PLPPR5: variants seen among roughly 807,000 people sequenced by gnomAD.
PLPPR5 encodes phospholipid phosphatase-related protein type 5.
In PLPPR5, 16 loss-of-function variants were observed where a neutral mutation model predicts 33.9. The ratio of observed to expected loss-of-function variants is 0.47; its 90% confidence interval spans 0.32 to 0.72. The LOEUF (loss-of-function observed/expected upper bound fraction) is 0.72. PLPPR5 is among the 30% of genes least tolerant of loss of function. The pLI, the probability that PLPPR5 is intolerant of heterozygous loss-of-function variation, is 0.03. For missense variants in PLPPR5, 301 were observed against 406.7 expected (o/e 0.74, Z 2.23); for synonymous variants, 163 against 150.3 (o/e 1.08, Z -0.62).
intron 1 of PLPPR5, among the ~76,000 whole-genome samples, chr1:98,961,068 T>C (rs1651228187): frequency 6.6e-6 from 1 of 152,150 alleles, no homozygotes. Flanking sequence ...GTCTGAAGTG[T>C]TTCCCACCCA....
At chr1:98,938,375 A>C (rs1650248523) in intron 3 of PLPPR5, among the ~76,000 whole-genome samples, 2 of 149,946 alleles carry the variant, frequency 1.3e-5, no homozygotes, top group African/African-American at 4.9e-5. Context: ...GCAGTGAGGA[A>C]TGTACAAATA....
chr1:98,988,411 T>C (rs72732417), intron 1 of PLPPR5, among the ~76,000 whole-genome samples: 13,804 of 152,082 alleles, frequency 0.091, 711 homozygotes, highest in Non-Finnish European at 0.11. Flanking sequence ...AGAAAAAATA[T>C]ACTATACCTG....
intron 3 of PLPPR5, among the ~76,000 whole-genome samples, chr1:98,940,603 C>T (rs951808672): frequency 4.0e-5 from 6 of 151,720 alleles, no homozygotes; most frequent in African/African-American, 1.5e-4. Flanking sequence ...AAGGGATAAG[C>T]GCTTATAACT....
intron 3 of PLPPR5, among the ~76,000 whole-genome samples, chr1:98,945,762 G>A (rs1244108142): frequency 6.6e-6 from 1 of 152,202 alleles, no homozygotes; most frequent in Non-Finnish European, 1.5e-5. Context: ...TGGGACATAG[G>A]TTTGAAATAA....
rs74475496 is a variant in PLPPR5 at position 98,896,055 on chromosome 1, A to G, written c.934-2951T>C. Among the ~76,000 whole-genome samples the G allele has an allele frequency of 1.8e-4, 28 of 151,922 alleles. No homozygotes were observed. In the East Asian group the frequency reaches 5.4e-3, roughly 30 times the overall value. ...TTTAAGTTTAATTCACTTCTGGCAC[A>G]GGGGTGATTTTCCCTGAAGCAATCT... On this transcript the variant is annotated intron_variant, in intron 5 of 5. Transcript: ENST00000263177.
chr1:98,968,418 C>T (rs6577267), intron 1 of PLPPR5, among the ~76,000 whole-genome samples: 28,266 of 151,642 alleles, frequency 0.19, 2,684 homozygotes, highest in East Asian at 0.26. Flanking sequence ...TTATCAACAA[C>T]AAAAAAGCAA....
chr1:98,975,181 G>A (rs1057298093), intron 1 of PLPPR5, among the ~76,000 whole-genome samples: 13 of 152,004 alleles, frequency 8.6e-5, no homozygotes, highest in African/African-American at 2.9e-4. Flanking sequence ...GACTGCGTCC[G>A]TGCCTCAAAT....
intron 1 of PLPPR5, among the ~76,000 whole-genome samples, chr1:98,992,443 C>A (rs1298864525): frequency 2.7e-4 from 41 of 152,080 alleles, no homozygotes; most frequent in Non-Finnish European, 1.5e-5. Flanking sequence ...ATGACTATGT[C>A]TCAGGTGCAA....
At chr1:98,979,690 T>C (rs1651987831) in intron 1 of PLPPR5, among the ~76,000 whole-genome samples, 1 of 152,056 alleles carries the variant, frequency 6.6e-6, no homozygotes, top group Non-Finnish European at 1.5e-5. Context: ...CTCCAACTGC[T>C]GGTAATCTGA....
intron 3 of PLPPR5, among the ~76,000 whole-genome samples, chr1:98,922,620 T>C (rs942935087): frequency 6.6e-6 from 1 of 152,224 alleles, no homozygotes; most frequent in Non-Finnish European, 1.5e-5. Context: ...CGAGGTTGCT[T>C]TCATGTTGTT....
chr1:98,928,082 T>A (rs1158622409), intron 3 of PLPPR5, among the ~76,000 whole-genome samples: 2 of 152,192 alleles, frequency 1.3e-5, no homozygotes, highest in African/African-American at 2.4e-5. Context: ...TCTTCTTATC[T>A]TGAGGTCTTT....
At chr1:98,991,070 A>G (rs1292718628) in intron 1 of PLPPR5, 1 of 152,170 alleles carries the variant, frequency 6.6e-6, no homozygotes, top group Non-Finnish European at 1.5e-5. Flanking sequence ...AGTATACTAC[A>G]TCATATATAC....
chr1:98,951,718 G>A (rs899735818), intron 3 of PLPPR5, among the ~76,000 whole-genome samples: 2 of 152,140 alleles, frequency 1.3e-5, no homozygotes, highest in South Asian at 4.1e-4. Context: ...TGAATCTCAA[G>A]TAGAGATGTC....
intron 3 of PLPPR5, among the ~76,000 whole-genome samples, chr1:98,927,023 T>C (rs1649793982): frequency 6.6e-6 from 1 of 152,192 alleles, no homozygotes; most frequent in Non-Finnish European, 1.5e-5. Flanking sequence ...CCATGGACTT[T>C]GCCAGACAGA....
intron 5 of PLPPR5, among the ~76,000 whole-genome samples, chr1:98,912,919 C>G (rs1649206345): frequency 6.6e-6 from 1 of 152,116 alleles, no homozygotes; most frequent in Non-Finnish European, 1.5e-5. Context: ...CTATCCTTAC[C>G]TGAATGCTTG....
intron 3 of PLPPR5, among the ~76,000 whole-genome samples, chr1:98,951,502 G>T (rs1650783285): frequency 6.6e-6 from 1 of 152,108 alleles, no homozygotes; most frequent in South Asian, 2.1e-4. Context: ...ATAGGATAAA[G>T]GAAAGAATCC....
intron 1 of PLPPR5, among the ~76,000 whole-genome samples, chr1:98,982,975 C>T (rs1377566432): frequency 2.0e-5 from 3 of 152,044 alleles, no homozygotes; most frequent in Non-Finnish European, 4.4e-5. Context: ...TGCGAGAGAG[C>T]GCATAACCTT....
chr1:98,977,560 C>CA (rs1394637694), intron 1 of PLPPR5, among the ~76,000 whole-genome samples: 1 of 148,296 alleles, frequency 6.7e-6, no homozygotes, highest in African/African-American at 2.5e-5. Flanking sequence ...AGATAATAAG[C>CA]AAAAAAGACC....
intron 1 of PLPPR5, among the ~76,000 whole-genome samples, chr1:98,968,375 A>G (rs1412327660): frequency 2.6e-5 from 4 of 152,088 alleles, no homozygotes; most frequent in Non-Finnish European, 5.9e-5. Flanking sequence ...CAGTTTTTCT[A>G]AAATACCCAT....
Sources: allele counts gnomAD v4.1 joint callset (sites outside exome capture counted in the v4.1 genomes callset), GRCh38; gene constraint gnomAD v4.1.1; transcripts MANE v1.5; gene names NCBI Gene and HGNC (gene_info 2026-07-23, HGNC 2026-07-21).